Variants in ARHGEF3 observed in about 807,000 individuals in gnomAD.
The protein encoded by ARHGEF3 is 59.8 kDA protein.
ARHGEF3 carries 28 observed loss-of-function variants against 63.2 expected under a neutral mutation model. That is an observed-to-expected ratio of 0.44 (90% CI 0.33 to 0.61). The LOEUF (loss-of-function observed/expected upper bound fraction) is 0.61. ARHGEF3 is among the 20% of genes least tolerant of loss of function. The pLI, the probability that ARHGEF3 is intolerant of heterozygous loss-of-function variation, is 0.03. For missense variants in ARHGEF3, 533 were observed against 659.3 expected (o/e 0.81, Z 2.10); for synonymous variants, 266 against 254.2 (o/e 1.05, Z -0.44).
At chr3:57,031,864 T>C (rs1282156468) in intron 2 of ARHGEF3, among the ~76,000 whole-genome samples, 1 of 152,178 alleles carries the variant, frequency 6.6e-6, no homozygotes, top group Admixed American at 6.6e-5. Context: ...GAGCATGAAC[T>C]TGGCAATCAT....
Position 56,728,532 on chromosome 3 carries a change from C to A in ARHGEF3, c.*738G>T, listed in dbSNP as rs1470988745. ...CTATTCTGATGTTTTAGGCTAGCAACCAACTATGAGAGACACCTCCTGGTG... is the reference window on the plus strand; with the variant it reads ...CTATTCTGATGTTTTAGGCTAGCAAACAACTATGAGAGACACCTCCTGGTG... On this transcript the variant is annotated 3_prime_UTR_variant, in exon 10 of 10. Transcript: ENST00000296315. 6.6e-6 allele frequency: 1 copy of A among 152,644 alleles called. No individual in the cohort carries two copies. Among genetic ancestry groups the A allele is most frequent in the Non-Finnish European group, 1.5e-5 (1 of 68,058 alleles). The allele number at this position is 152,644 out of a possible 1,614,324, so 9.5% of individuals were successfully genotyped here.
chr3:56,764,521 C>A (rs1311483269), intron 2 of ARHGEF3, among the ~76,000 whole-genome samples: 1 of 152,100 alleles, frequency 6.6e-6, no homozygotes, highest in Non-Finnish European at 1.5e-5. Context: ...TCTGAACACC[C>A]TACGGAATCC....
At chr3:56,772,647 A>C (rs2036066996) in intron 2 of ARHGEF3, among the ~76,000 whole-genome samples, 1 of 152,204 alleles carries the variant, frequency 6.6e-6, no homozygotes. Flanking sequence ...TAAAAGATAC[A>C]CTTCATCAAC....
In ARHGEF3 at chr3:56,859,003, T is replaced by A. The variant is rs536350849; in HGVS notation, c.192+23289A>T. Among the ~76,000 whole-genome samples the A allele has an allele frequency of 3.9e-5, 6 of 152,084 alleles. No homozygotes were observed. In the East Asian group the frequency reaches 1.2e-3, roughly 29 times the overall value. On this transcript the variant is annotated intron_variant, in intron 4 of 12. Coordinates refer to the ARHGEF3 transcript ENST00000338458. ...AATGGCGAAGACAAAAACAAAAAAA[T>A]GTAGGATTATGAAAGACCAAGGATG...
chr3:57,032,445 C>T (rs995324682), intron 2 of ARHGEF3, among the ~76,000 whole-genome samples: 2 of 152,338 alleles, frequency 1.3e-5, no homozygotes, highest in Admixed American at 1.3e-4. Context: ...CAGCACTCAA[C>T]AAATGTGGGT....
At chr3:57,033,672 G>C (rs1487667423) in intron 2 of ARHGEF3, among the ~76,000 whole-genome samples, 2 of 152,108 alleles carry the variant, frequency 1.3e-5, no homozygotes, top group Non-Finnish European at 2.9e-5. Context: ...TGAGGTAGGA[G>C]CTGGGAATGA....
chr3:56,884,576 A>G (rs1031303320), intron 3 of ARHGEF3, among the ~76,000 whole-genome samples: 1 of 152,248 alleles, frequency 6.6e-6, no homozygotes, highest in Non-Finnish European at 1.5e-5. Context: ...AGGAATGCTT[A>G]ATCAGCCATT....
intron 3 of ARHGEF3, among the ~76,000 whole-genome samples, chr3:56,932,458 T>A (rs1185093756): frequency 1.3e-5 from 2 of 152,190 alleles, no homozygotes; most frequent in African/African-American, 4.8e-5. Flanking sequence ...ACATTTTCCC[T>A]GAATTAAAAC....
chr3:56,864,329 C>T (rs2040173461), intron 4 of ARHGEF3, among the ~76,000 whole-genome samples: 1 of 152,232 alleles, frequency 6.6e-6, no homozygotes, highest in Non-Finnish European at 1.5e-5. Context: ...CATCCTGCCA[C>T]AGGGCCCTTG....
intron 1 of ARHGEF3, among the ~76,000 whole-genome samples, chr3:57,054,638 C>T (rs1704828350): frequency 1.4e-5 from 2 of 138,256 alleles, no homozygotes; most frequent in Admixed American, 1.4e-4. Context: ...GACCCCATCT[C>T]AAAAATTTTT....
chr3:56,968,181 A>ATAT lies in ARHGEF3; in HGVS notation c.63-9293_63-9292insATA, dbSNP rs1363015487. 6.8e-3 allele frequency among the ~76,000 whole-genome samples: 157 copies of ATAT among 23,066 alleles called. 3 individuals carry two copies. Among genetic ancestry groups the ATAT allele is most frequent in the African/African-American group, 0.02 (153 of 7,498 alleles). 15.1% of individuals were successfully genotyped at this position (23,066 alleles called of 152,430 possible). On this transcript the variant is annotated intron_variant, in intron 2 of 12. Transcript: ENST00000338458. ...ATATATATTATATAATATATATAAAAATATATATTATATATAATATATAAA... is the reference window on the plus strand; with the variant it reads ...ATATATATTATATAATATATATAAAATATATATATATTATATATAATATATAAA...
intron 3 of ARHGEF3, among the ~76,000 whole-genome samples, chr3:56,913,195 T>C (rs766985861): frequency 9.3e-5 from 14 of 150,670 alleles, no homozygotes; most frequent in Non-Finnish European, 1.9e-4. Flanking sequence ...GTCTAAACAA[T>C]GTCAACAAAA....
intron 3 of ARHGEF3, among the ~76,000 whole-genome samples, chr3:56,884,733 G>A (rs1330076047): frequency 6.6e-6 from 1 of 152,262 alleles, no homozygotes; most frequent in African/African-American, 2.4e-5. Context: ...GATGCTTCAC[G>A]TTTGTACAGG....
intron 1 of ARHGEF3, among the ~76,000 whole-genome samples, chr3:56,796,696 T>A (rs969821927): frequency 2.6e-5 from 4 of 152,170 alleles, no homozygotes; most frequent in Admixed American, 1.3e-4. Context: ...AGAAGACCAA[T>A]GATTTAGTCA....
chr3:56,864,988 G>A (rs1197270559), intron 4 of ARHGEF3, among the ~76,000 whole-genome samples: 1 of 152,092 alleles, frequency 6.6e-6, no homozygotes, highest in East Asian at 1.9e-4. Context: ...CTTTACTGTG[G>A]TATACTGGGA....
At position 57,034,816 on chromosome 3, in the gene ARHGEF3, C is replaced by T. The variant is rs769108183; in HGVS notation, c.62+272G>A. On this transcript the variant is annotated intron_variant, in intron 2 of 12. Transcript: ENST00000338458. ...GGACTACAGGCACACATCACCATGC[C>T]TGGCTAATTTTTTTTTATTTTTAGT... 1.5e-3 allele frequency among the ~76,000 whole-genome samples: 222 copies of T among 152,062 alleles called. 1 individual carries two copies. The highest frequency in any genetic ancestry group is 6.8e-3 in the Middle Eastern group (2 of 294).
At chr3:56,929,096 G>C (rs1302762099) in intron 3 of ARHGEF3, among the ~76,000 whole-genome samples, 1 of 152,186 alleles carries the variant, frequency 6.6e-6, no homozygotes, top group Non-Finnish European at 1.5e-5. Context: ...CTCCAGGAGG[G>C]CCTATCTAGG....
intron 3 of ARHGEF3, among the ~76,000 whole-genome samples, chr3:56,894,175 C>T (rs1282369665): frequency 6.6e-6 from 1 of 152,148 alleles, no homozygotes; most frequent in African/African-American, 2.4e-5. Flanking sequence ...CAGCTTCTGA[C>T]AGTTTGGTGG....
At position 56,873,653 on chromosome 3, in the gene ARHGEF3, T is replaced by C. The variant is rs541715626; in HGVS notation, c.192+8639A>G. On this transcript the variant is annotated intron_variant, in intron 4 of 12. Coordinates refer to the ARHGEF3 transcript ENST00000338458. ...TGGAACTCCTGGGCTCAAGCAATCC[T>C]CCAGCCTGAGTCTCCCAAAGTTTTG... is the stretch of plus-strand genomic sequence containing the variant. Among the ~76,000 whole-genome samples the C allele has an allele frequency of 3.9e-5, 6 of 152,252 alleles. No individual in the cohort carries two copies. In the East Asian group the frequency reaches 7.7e-4, roughly 20 times the overall value.
Sources: gnomAD v4.1 joint callset for allele counts (sites outside exome capture counted in the v4.1 genomes callset) on GRCh38, gnomAD v4.1.1 for gene constraint, MANE v1.5 for transcripts, NCBI Gene and HGNC (gene_info 2026-07-23, HGNC 2026-07-21) for gene names.